The following MORN1 variants were observed in gnomAD, a reference collection of about 807,000 sequenced individuals.
MORN1 encodes MORN repeat containing 1.
MORN1 carries 67 observed loss-of-function variants against 61.9 expected under a neutral mutation model. The ratio of observed to expected loss-of-function variants is 1.08; its 90% CI spans 0.89 to 1.33. The LOEUF is 1.33. MORN1 is among the 40% of genes most tolerant of loss of function. The pLI is 0.00. For missense variants in MORN1, 752 were observed against 691.2 expected, an observed-to-expected ratio of 1.09 and a Z score of -0.99; for synonymous variants, 301 against 292.0, an observed-to-expected ratio of 1.03 and a Z score of -0.31.
chr1:2,378,508 G>A (rs1452762431), intron 6 of MORN1: 1 of 180,970 alleles, frequency 5.5e-6, no homozygotes, highest in Non-Finnish European at 1.2e-5. Context: ...CTCGGGGACT[G>A]CGGCAGGCAA....
intron 12 of MORN1, chr1:2,332,378 G>C (rs986505938): frequency 5.8e-6 from 2 of 344,422 alleles, no homozygotes; most frequent in Non-Finnish European, 1.1e-5. Context: ...TGTTGCTCAC[G>C]GACTCCAGCA....
intron 2 of MORN1, among the ~76,000 whole-genome samples, chr1:2,388,775 C>CAAAAAA (rs57362688): frequency 1.5e-5 from 1 of 64,552 alleles, no homozygotes; most frequent in Non-Finnish European, 2.6e-5. Flanking sequence ...AAGACTGTCT[C>CAAAAAA]AAAAAAAAAA....
chr1:2,333,589 G>A (rs1406380234), intron 12 of MORN1, among the ~76,000 whole-genome samples: 5 of 152,212 alleles, frequency 3.3e-5, no homozygotes, highest in Non-Finnish European at 5.9e-5. Context: ...GGGTGCTAGC[G>A]GCAGGATCCT....
Position 2,358,666 on chromosome 1 carries a change from C to T in MORN1, c.795G>A (p.Gln265=). 1 of 1,613,960 alleles carries T rather than the reference C, an allele frequency of 6.2e-7. No homozygotes were observed. Among genetic ancestry groups the T allele is most frequent in the Non-Finnish European group, 8.5e-7 (1 of 1,179,958 alleles). Residue 265 remains glutamine (Q), a synonymous_variant, in exon 9 of 14, where the codon CAG becomes CAA. Transcript: ENST00000378531. The stretch of plus-strand genomic sequence containing the variant: ...AGTTGACCTCAGAGTAGGCTGACAG[C>T]TGCACGTATCTGACGCCCGCTGAGA... ...LQISAGVRYV[Q]LSAYSEVNFF...
At chr1:2,384,344 C>T (rs938326981) in intron 6 of MORN1, among the ~76,000 whole-genome samples, 23 of 152,240 alleles carry the variant, frequency 1.5e-4, no homozygotes, top group Non-Finnish European at 2.9e-4. Context: ...ACTCACGGGG[C>T]CGCTGCCCCA....
chr1:2,359,968 C>T (rs1458161164), intron 8 of MORN1, among the ~76,000 whole-genome samples: 1 of 152,098 alleles, frequency 6.6e-6, no homozygotes, highest in Non-Finnish European at 1.5e-5. Flanking sequence ...GGGACGGGCT[C>T]TCAAGTGGGA....
chr1:2,327,506 A>AT (rs1557866640), intron 12 of MORN1, among the ~76,000 whole-genome samples: 1 of 141,600 alleles, frequency 7.1e-6, no homozygotes, highest in African/African-American at 3.0e-5. Context: ...AGAAACAAAC[A>AT]CAGAGACACA....
chr1:2,391,426 C>A (rs1212955718), intron 1 of MORN1, 32 bp downstream of exon 1: 2 of 1,255,684 alleles, frequency 1.6e-6, no homozygotes, highest in South Asian at 7.1e-5. Flanking sequence ...CCAGGGCAGC[C>A]AGCGACCTGT....
chr1:2,339,318 G>C (rs374133710), intron 10 of MORN1, among the ~76,000 whole-genome samples: 3 of 152,170 alleles, frequency 2.0e-5, no homozygotes, highest in East Asian at 3.9e-4. Context: ...GTCCACGGAG[G>C]GGGCGTTTCT....
At chr1:2,327,934 C>T (rs1301477509) in intron 12 of MORN1, among the ~76,000 whole-genome samples, 1 of 152,272 alleles carries the variant, frequency 6.6e-6, no homozygotes, top group Non-Finnish European at 1.5e-5. Context: ...CTTCCCAGGC[C>T]AGATGCTCCG....
chr1:2,324,028 C>A, intron 13 of MORN1, 69 bp downstream of exon 13: 1 of 1,525,032 alleles, frequency 6.6e-7, no homozygotes, highest in Non-Finnish European at 8.8e-7. Context: ...CACCTCCAGC[C>A]CTGGGCTGCG....
In MORN1 at chr1:2,374,436, C is replaced by A. The variant is rs144649191; in HGVS notation, c.634+25G>T. ...ACACCCCACAGTGGACCTCACAGTG[C>A]CCACAGGAAGGCAGGGACACCTACC... On this transcript the variant is annotated intron_variant, in intron 7 of 13. Transcript: ENST00000378531. 905 of 1,551,186 alleles carry A rather than the reference C, an allele frequency of 5.8e-4. 7 individuals are homozygous for A. The African/African-American group carries it at 0.011, about 18-fold the overall frequency.
At chr1:2,323,174 C>A in intron 13 of MORN1, 1 of 985,414 alleles carries the variant, frequency 1.0e-6, no homozygotes, top group African/African-American at 1.7e-5. Flanking sequence ...GTGAGGGCTG[C>A]TGTGGGACCA....
At chr1:2,335,474 C>G (rs776707687) in intron 12 of MORN1, among the ~76,000 whole-genome samples, 1 of 152,166 alleles carries the variant, frequency 6.6e-6, no homozygotes, top group African/African-American at 2.4e-5. Context: ...CCCTCCTCTG[C>G]CCCTGAAGCC....
chr1:2,351,551 C>G (rs2036082), intron 10 of MORN1: 103 of 201,544 alleles, frequency 5.1e-4, no homozygotes, highest in African/African-American at 2.4e-3. Context: ...CAGCACATTG[C>G]GCTTCTTGTC....
intron 10 of MORN1, among the ~76,000 whole-genome samples, chr1:2,344,942 C>T (rs1261548814): frequency 5.9e-5 from 9 of 152,236 alleles, no homozygotes; most frequent in Non-Finnish European, 1.0e-4. Context: ...CGAGGGTCCA[C>T]GCATGCTCAC....
chr1:2,379,944 C>T (rs1642333251), intron 6 of MORN1, among the ~76,000 whole-genome samples: 1 of 152,234 alleles, frequency 6.6e-6, no homozygotes, highest in Non-Finnish European at 1.5e-5. Flanking sequence ...TTCACAGCAG[C>T]ATCACCCACA....
intron 1 of MORN1, 149 bp downstream of exon 1, chr1:2,391,309 G>A (rs1011184144): frequency 3.3e-6 from 3 of 902,592 alleles, no homozygotes; most frequent in African/African-American, 1.7e-5. Context: ...CTGTGGGAGT[G>A]GGGGACGCGG....
chr1:2,357,290 C>A lies in MORN1; in HGVS notation c.1036+142G>T. On this transcript the variant is annotated intron_variant, in intron 10 of 13. Coordinates refer to ENST00000378531, the MANE Select transcript of MORN1 (RefSeq NM_024848.3). The surrounding 1 kb of genome is among the most constrained non-coding windows in gnomAD (Gnocchi z 6.3). Reference sequence around the variant, plus strand: ...GGATGTGGGCTGCCCGGCCCTGCCTCCTTTCACCCACGCGTGATGACTGAC... The same window carrying A: ...GGATGTGGGCTGCCCGGCCCTGCCTACTTTCACCCACGCGTGATGACTGAC... The A allele has an allele frequency of 1.1e-6, 1 of 869,928 alleles. No homozygotes were observed. Among genetic ancestry groups the A allele is most frequent in the South Asian group, 1.9e-5 (1 of 53,642 alleles). 53.9% of individuals were successfully genotyped at this position (869,928 alleles called of 1,614,324 possible). A position where few individuals can be genotyped will look rare whatever the true frequency, so the allele number is the denominator to read the frequency against.
Sources: allele counts gnomAD v4.1 joint callset (sites outside exome capture counted in the v4.1 genomes callset), GRCh38; gene constraint gnomAD v4.1.1; non-coding constraint Gnocchi (gnomAD v3.1); transcripts MANE v1.5; gene names NCBI Gene and HGNC (gene_info 2026-07-23, HGNC 2026-07-21).